The following ZPBP variants were observed in gnomAD, a reference collection of about 807,000 sequenced individuals.
ZPBP encodes the protein zona pellucida-binding protein 1.
Under a neutral mutation model 44.8 loss-of-function variants are expected in ZPBP, and 26 were observed. The ratio of observed to expected loss-of-function variants is 0.58; its 90% CI spans 0.43 to 0.81. The LOEUF is 0.81. ZPBP is among the 30% of genes least tolerant of loss of function. The probability of loss-of-function intolerance (pLI) is 0.00; values close to 1 mark genes in which losing one functional copy is unlikely to be tolerated. For synonymous variants in ZPBP, 174 were observed against 153.2 expected (o/e 1.14, Z -1.00); for missense variants, 409 against 434.0 (o/e 0.94, Z 0.51).
chr7:49,990,412 G>A (rs1056370233), intron 6 of ZPBP, among the ~76,000 whole-genome samples: 3 of 152,174 alleles, frequency 2.0e-5, no homozygotes, highest in East Asian at 3.9e-4. Context: ...ATGAAAGAAA[G>A]AGGGATGCCT....
chr7:50,035,785 A>G (rs1799802409), intron 4 of ZPBP, among the ~76,000 whole-genome samples: 1 of 152,212 alleles, frequency 6.6e-6, no homozygotes. Context: ...GTATATGTAC[A>G]TTATTAAAAT....
At chr7:49,963,605 T>C (rs1169763296) in intron 7 of ZPBP, among the ~76,000 whole-genome samples, 1 of 151,862 alleles carries the variant, frequency 6.6e-6, no homozygotes, top group Non-Finnish European at 1.5e-5. Flanking sequence ...ATAGTGATGT[T>C]AACTGATGTT....
intron 5 of ZPBP, among the ~76,000 whole-genome samples, chr7:50,019,124 G>C (rs1481139321): frequency 1.3e-5 from 2 of 151,954 alleles, no homozygotes; most frequent in Non-Finnish European, 2.9e-5. Flanking sequence ...AAAACAAGGG[G>C]CTGAATAATG....
chr7:49,847,010 C>G (rs1000257157), downstream of ZPBP, among the ~76,000 whole-genome samples: 1 of 152,174 alleles, frequency 6.6e-6, no homozygotes, highest in Admixed American at 6.5e-5. Flanking sequence ...GAATTTAACT[C>G]TAACTTGCAG....
intron 3 of ZPBP, among the ~76,000 whole-genome samples, chr7:50,076,463 GA>G (rs1294213193): frequency 6.6e-6 from 1 of 151,912 alleles, no homozygotes; most frequent in African/African-American, 2.4e-5. Context: ...TGGAAAGAAA[GA>G]AGTTAAATTA....
intron 6 of ZPBP, among the ~76,000 whole-genome samples, chr7:49,996,572 A>C (rs1797859165): frequency 6.6e-6 from 1 of 152,176 alleles, no homozygotes; most frequent in Non-Finnish European, 1.5e-5. Context: ...TAACAGTGTA[A>C]ATTTTTGGTT....
intron 7 of ZPBP, among the ~76,000 whole-genome samples, chr7:49,966,779 G>A (rs1796080004): frequency 6.6e-6 from 1 of 152,088 alleles, no homozygotes; most frequent in African/African-American, 2.4e-5. Context: ...TTAGTTTTGT[G>A]ATTCACAGAT....
Position 49,878,662 on chromosome 7 carries a change from T to G in ZPBP, n.509+22456A>C, listed in dbSNP as rs556221292. ...ATTAGTTTTTATTTTTCCTCCTGGTTTCTCTTATCTGTGGTTCAATGTCTT... is the reference window on the plus strand; with the variant it reads ...ATTAGTTTTTATTTTTCCTCCTGGTGTCTCTTATCTGTGGTTCAATGTCTT... On this transcript the variant is annotated intron_variant and non_coding_transcript_variant, in intron 2 of 2. Coordinates refer to the ZPBP transcript ENST00000465922. Among the ~76,000 whole-genome samples, 14 of 152,292 alleles carry G rather than the reference T, an allele frequency of 9.2e-5. No individual in the cohort carries two copies. In the East Asian group the frequency reaches 2.7e-3, roughly 29 times the overall value.
At chr7:50,092,642 C>T (rs73337760) in intron 1 of ZPBP, among the ~76,000 whole-genome samples, 2,434 of 152,294 alleles carry the variant, frequency 0.016, 77 homozygotes, top group African/African-American at 0.055. Context: ...CGCATTATTT[C>T]CTGTATTTCA....
At chr7:49,898,451 A>C (rs943420385) in intron 2 of ZPBP, among the ~76,000 whole-genome samples, 8 of 152,062 alleles carry the variant, frequency 5.3e-5, no homozygotes, top group African/African-American at 1.2e-4. Flanking sequence ...TGGTCTACTA[A>C]CCACAAATCC....
At chr7:49,881,292 G>C (rs1414738907) in intron 2 of ZPBP, among the ~76,000 whole-genome samples, 1 of 152,098 alleles carries the variant, frequency 6.6e-6, no homozygotes, top group African/African-American at 2.4e-5. Context: ...TAAATCTTTA[G>C]AGTGCTGCTG....
chr7:49,953,010 A>G (rs533962843), intron 7 of ZPBP, among the ~76,000 whole-genome samples: 13 of 152,270 alleles, frequency 8.5e-5, no homozygotes, highest in Admixed American at 3.9e-4. Context: ...TTATCAAACC[A>G]CAAGGAACTG....
chr7:50,002,975 G>A (rs776733281), intron 6 of ZPBP, among the ~76,000 whole-genome samples: 4 of 152,020 alleles, frequency 2.6e-5, no homozygotes, highest in African/African-American at 7.2e-5. Context: ...GTATGTTTTC[G>A]TCCATGCAAA....
At chr7:50,051,466 A>G (rs1389138571) in intron 4 of ZPBP, among the ~76,000 whole-genome samples, 2 of 152,204 alleles carry the variant, frequency 1.3e-5, no homozygotes, top group African/African-American at 2.4e-5. Flanking sequence ...TCATTCTGTT[A>G]CGAGGATACA....
intron 2 of ZPBP, among the ~76,000 whole-genome samples, chr7:49,855,532 C>A (rs73330437): frequency 0.034 from 5,132 of 152,142 alleles, 248 homozygotes; most frequent in South Asian, 0.12. Flanking sequence ...GAAGGCTCAG[C>A]GAGGACAGGT....
At chr7:50,019,582 CTGT>C (rs1377932611) in intron 5 of ZPBP, among the ~76,000 whole-genome samples, 7 of 152,036 alleles carry the variant, frequency 4.6e-5, no homozygotes, top group African/African-American at 1.7e-4. Flanking sequence ...TGATGGACAA[CTGT>C]TGATATGAAG....
intron 2 of ZPBP, among the ~76,000 whole-genome samples, chr7:49,881,479 C>T (rs1791661852): frequency 6.6e-6 from 1 of 152,154 alleles, no homozygotes; most frequent in South Asian, 2.1e-4. Flanking sequence ...CACCTCTACC[C>T]ATGCACAAAA....
intron 7 of ZPBP, among the ~76,000 whole-genome samples, chr7:49,947,200 C>A (rs928124555): frequency 2.2e-4 from 34 of 152,012 alleles, no homozygotes; most frequent in African/African-American, 8.2e-4. Context: ...TCACCGGTGC[C>A]CTATTTAGTT....
chr7:49,911,971 C>T, intron 1 of ZPBP: 1 of 1,018,250 alleles, frequency 9.8e-7, no homozygotes, highest in Non-Finnish European at 1.3e-6. Context: ...ATGCTTAATA[C>T]CTAATTATAT....
Sources: gnomAD v4.1 joint callset for allele counts (sites outside exome capture counted in the v4.1 genomes callset) on GRCh38, gnomAD v4.1.1 for gene constraint, MANE v1.5 for transcripts, NCBI Gene and HGNC (gene_info 2026-07-23, HGNC 2026-07-21) for gene names.